SPATS1: variants seen among roughly 807,000 people sequenced by gnomAD.
The protein encoded by SPATS1 is spermatogenesis-associated serine-rich protein 1.
A neutral mutation model predicts 33.6 loss-of-function variants in SPATS1; 23 were observed. The observed-to-expected ratio is 0.68, with a 90% CI of 0.49 to 0.97. The LOEUF (loss-of-function observed/expected upper bound fraction) is 0.97. Among genes scored for constraint, SPATS1 ranks in the 50% least tolerant of loss-of-function variants. The pLI is 0.00. For missense variants in SPATS1, 327 were observed against 361.0 expected (o/e 0.91, Z 0.76); for synonymous variants, 131 against 125.6 (o/e 1.04, Z -0.29).
chr6:44,361,483 G>A (rs778797819), intron 4 of SPATS1: 127 of 985,388 alleles, frequency 1.3e-4, no homozygotes, highest in Admixed American at 3.1e-4. Context: ...TTCCTACACC[G>A]TTATCAGAGT....
chr6:44,371,775 C>T (rs1279062029), intron 7 of SPATS1, among the ~76,000 whole-genome samples: 1 of 151,734 alleles, frequency 6.6e-6, no homozygotes, highest in Non-Finnish European at 1.5e-5. Flanking sequence ...GAAACCCTGT[C>T]TCTACTAAAA....
intron 5 of SPATS1, among the ~76,000 whole-genome samples, chr6:44,362,493 G>A (rs1788980929): frequency 6.6e-6 from 1 of 152,134 alleles, no homozygotes; most frequent in Admixed American, 6.6e-5. Flanking sequence ...TTGTAGCTCA[G>A]TGAGTTCTTT....
chr6:44,345,003 G>A (rs1183314514), intron 2 of SPATS1, among the ~76,000 whole-genome samples: 1 of 152,166 alleles, frequency 6.6e-6, no homozygotes, highest in Non-Finnish European at 1.5e-5. Context: ...CTAGATGGGG[G>A]AGAGGGCAGC....
chr6:44,376,070 C>A (rs770568431), intron 7 of SPATS1, among the ~76,000 whole-genome samples: 1 of 151,752 alleles, frequency 6.6e-6, no homozygotes, highest in Non-Finnish European at 1.5e-5. Context: ...TGTGCCACTG[C>A]ATTCCAGCCT....
chr6:44,368,989 T>C (rs9395009), intron 6 of SPATS1, among the ~76,000 whole-genome samples: 124,946 of 150,622 alleles, frequency 0.83, 52,264 homozygotes, highest in African/African-American at 0.9. Flanking sequence ...CTCTGCCTCC[T>C]GGGTTCATGC....
At chr6:44,353,343 T>C (rs1341098105) in intron 3 of SPATS1, among the ~76,000 whole-genome samples, 1 of 152,084 alleles carries the variant, frequency 6.6e-6, no homozygotes, top group Non-Finnish European at 1.5e-5. Context: ...CCCACACAGA[T>C]GGTTTCTGGG....
chr6:44,360,095 G>C (rs1194657561), intron 3 of SPATS1, among the ~76,000 whole-genome samples: 1 of 152,116 alleles, frequency 6.6e-6, no homozygotes, highest in Non-Finnish European at 1.5e-5. Flanking sequence ...TGGTAATTCT[G>C]TGTTCAACTT....
intron 2 of SPATS1, among the ~76,000 whole-genome samples, chr6:44,352,044 T>C (rs930045432): frequency 6.6e-5 from 10 of 152,322 alleles, no homozygotes; most frequent in African/African-American, 2.4e-4. Context: ...GTGAACTATA[T>C]GTAGGGGCAA....
rs754037332 is a variant in SPATS1 at position 44,343,111 on chromosome 6, C to T, written c.16C>T (p.Leu6Phe). ...ATGGGCACAGATGAGTCCATCCATG[C>T]TCACTGGAAACAGTCCACGGGGCTG... Reference protein sequence around the residue: MSPSMLTGNSPRGCRL... With the variant: MSPSMFTGNSPRGCRL... Residue 6 changes from leucine (L) to phenylalanine (F), a missense_variant, in exon 2 of 9, where the codon CTC becomes TTC. Leu to Phe is a conservative substitution (Grantham distance 22). Transcript: ENST00000674044. 3.0e-5 allele frequency: 49 copies of T among 1,614,046 alleles called. No individual in the cohort carries two copies. Among genetic ancestry groups the T allele is most frequent in the Middle Eastern group, 3.3e-4 (2 of 6,084 alleles).
At chr6:44,346,024 A>C (rs1267785874) in intron 2 of SPATS1, among the ~76,000 whole-genome samples, 2 of 152,172 alleles carry the variant, frequency 1.3e-5, no homozygotes, top group Non-Finnish European at 2.9e-5. Flanking sequence ...ACAGTGTCTC[A>C]TGCCTGTAAT....
intron 3 of SPATS1, among the ~76,000 whole-genome samples, chr6:44,356,508 C>A (rs553267807): frequency 2.7e-4 from 41 of 152,334 alleles, no homozygotes; most frequent in African/African-American, 9.4e-4. Context: ...GTCTCTCTCA[C>A]AAGATTGCAA....
At chr6:44,347,125 T>A (rs2153364893) in intron 2 of SPATS1, among the ~76,000 whole-genome samples, 1 of 151,918 alleles carries the variant, frequency 6.6e-6, no homozygotes, top group South Asian at 2.1e-4. Context: ...AACGCAAAAA[T>A]GGAAAACCAA....
At chr6:44,344,621 C>G (rs1787767398) in intron 2 of SPATS1, among the ~76,000 whole-genome samples, 1 of 152,024 alleles carries the variant, frequency 6.6e-6, no homozygotes, top group Non-Finnish European at 1.5e-5. Context: ...TTCTCCCTGC[C>G]AGACAGAGCT....
chr6:44,363,977 T>C (rs1046581252), intron 5 of SPATS1, among the ~76,000 whole-genome samples: 9 of 152,218 alleles, frequency 5.9e-5, no homozygotes, highest in African/African-American at 2.2e-4. Flanking sequence ...CCATATTTCA[T>C]ATTTTTTTAA....
At chr6:44,360,064 A>T (rs1346959715) in intron 3 of SPATS1, among the ~76,000 whole-genome samples, 3 of 152,228 alleles carry the variant, frequency 2.0e-5, no homozygotes, top group Admixed American at 1.3e-4. Flanking sequence ...ATACACCTAG[A>T]AACAGAATTA....
intron 3 of SPATS1, among the ~76,000 whole-genome samples, chr6:44,354,958 A>T (rs534927002): frequency 6.6e-6 from 1 of 152,256 alleles, no homozygotes; most frequent in Non-Finnish European, 1.5e-5. Flanking sequence ...GGGACCACAG[A>T]TGTGTGCAAC....
chr6:44,342,729 CGG>C lies in SPATS1; in HGVS notation c.-39_-38del. The stretch of plus-strand genomic sequence containing the variant: ...CTCTCGGTTCTCAGGCCTCGGCGTG[CGG>C]CGTGCGTTCGGCAGTTCAGTTGCCA... On this transcript the variant is annotated 5_prime_UTR_variant, in exon 1 of 9. Coordinates refer to ENST00000674044, the MANE Select transcript of SPATS1 (RefSeq NM_001372081.1). 2.1e-5 allele frequency: 10 copies of C among 465,362 alleles called. No individual in the cohort carries two copies. The highest frequency in any genetic ancestry group is 1.5e-4 in the South Asian group (10 of 64,646). The allele number at this position is 465,362 out of a possible 1,614,324, so 28.8% of individuals were successfully genotyped here.
chr6:44,359,403 C>G (rs1460259286), intron 3 of SPATS1, among the ~76,000 whole-genome samples: 1 of 152,094 alleles, frequency 6.6e-6, no homozygotes, highest in Non-Finnish European at 1.5e-5. Context: ...TGCCATTCTC[C>G]CCTCTCCCCA....
At chr6:44,350,932 T>C (rs1788191566) in intron 2 of SPATS1, among the ~76,000 whole-genome samples, 2 of 151,984 alleles carry the variant, frequency 1.3e-5, no homozygotes, top group Non-Finnish European at 2.9e-5. Context: ...GAGACCAGCC[T>C]GGCCAACATG....
Sources: allele counts gnomAD v4.1 joint callset (sites outside exome capture counted in the v4.1 genomes callset), GRCh38; gene constraint gnomAD v4.1.1; transcripts MANE v1.5; gene names NCBI Gene and HGNC (gene_info 2026-07-23, HGNC 2026-07-21).